Variants in ADAP1 observed in about 807,000 individuals in gnomAD.
ADAP1 encodes ArfGAP with dual PH domains 1.
A neutral mutation model predicts 54.9 loss-of-function variants in ADAP1; 31 were observed. The ratio of observed to expected loss-of-function variants is 0.56; its 90% CI spans 0.42 to 0.76. The LOEUF is 0.76. ADAP1 is among the 30% of genes least tolerant of loss of function. The probability of loss-of-function intolerance (pLI) is 0.00; values close to 1 mark genes in which losing one functional copy is unlikely to be tolerated. For synonymous variants in ADAP1, 313 were observed against 202.6 expected, an observed-to-expected ratio of 1.55 and a Z score of -4.63; for missense variants, 535 against 512.4, an observed-to-expected ratio of 1.04 and a Z score of -0.42.
chr7:898,629 A>AG lies in ADAP1; in HGVS notation c.*291dup. The stretch of plus-strand genomic sequence containing the variant: ...GGGGCTGTGTCTGAGCTCGGGAGCC[A>AG]GACTGGGCCCTGGAGGAAAGGGGGC... On this transcript the variant is annotated 3_prime_UTR_variant, in exon 11 of 11. Transcript: ENST00000265846. 4.1e-6 allele frequency: 2 copies of AG among 491,108 alleles called. No individual in the cohort carries two copies. Among genetic ancestry groups the AG allele is most frequent in the Non-Finnish European group, 7.5e-6 (2 of 267,462 alleles). The allele number at this position is 491,108 out of a possible 1,614,324, so 30.4% of individuals were successfully genotyped here. A position where few individuals can be genotyped will look rare whatever the true frequency, so the allele number is the denominator to read the frequency against.
intron 4 of ADAP1, among the ~76,000 whole-genome samples, chr7:909,466 G>T (rs1845631423): frequency 6.6e-6 from 1 of 152,232 alleles, no homozygotes; most frequent in African/African-American, 2.4e-5. Context: ...CCGCATTCCA[G>T]GGGCAATGAC....
At chr7:954,267 G>A (rs1274546074) in intron 1 of ADAP1, 129 bp downstream of exon 1, 113 of 887,918 alleles carry the variant, frequency 1.3e-4, no homozygotes, top group Non-Finnish European at 1.4e-4. Flanking sequence ...CCGGCCCGGT[G>A]TTCAGCGCCG....
chr7:903,842 G>T (rs1175162894), intron 6 of ADAP1: 6 of 358,070 alleles, frequency 1.7e-5, no homozygotes, highest in African/African-American at 1.3e-4. Flanking sequence ...GCCAAGCTGG[G>T]TGGCCCCAGA....
chr7:907,195 G>C (rs920328460), intron 4 of ADAP1, among the ~76,000 whole-genome samples: 2 of 152,184 alleles, frequency 1.3e-5, no homozygotes, highest in African/African-American at 4.8e-5. Flanking sequence ...CCACAGAAAA[G>C]TAGCCCGGGC....
chr7:898,911 G>T lies in ADAP1; in HGVS notation c.*10C>A. 1.3e-6 allele frequency: 2 copies of T among 1,598,342 alleles called. No individual in the cohort carries two copies. The highest frequency in any genetic ancestry group is 1.7e-5 in the Admixed American group (1 of 58,026). ...TGAGTCCAATGTCCGTGGTCCTCCA[G>T]CCGCACTCGCTAAGGTTTATGCTTG... On this transcript the variant is annotated 3_prime_UTR_variant, in exon 11 of 11. Transcript: ENST00000265846.
At position 935,381 on chromosome 7, in the gene ADAP1, T is replaced by C; in HGVS notation, c.207A>G (p.Gln69=). The C allele has an allele frequency of 1.3e-6, 2 of 1,529,642 alleles. No individual in the cohort carries two copies. Among genetic ancestry groups the C allele is most frequent in the Non-Finnish European group, 8.8e-7 (1 of 1,131,318 alleles). 94.8% of individuals were successfully genotyped at this position (1,529,642 alleles called of 1,614,324 possible). The change falls in exon 2 of 11, where the codon CAA becomes CAG. Residue 69 remains glutamine, a synonymous_variant. Transcript: ENST00000265846. The stretch of plus-strand genomic sequence containing the variant: ...CGCCCCTCCCCCTCCGTACCTCCAC[T>C]TGGGCCTCCTCCCAGGCGTCCAGGC... ...SVRLDAWEEA[Q]VEFMASHGND...
intron 6 of ADAP1, chr7:900,989 G>C (rs1562906318): frequency 3.2e-5 from 16 of 502,076 alleles, no homozygotes; most frequent in Non-Finnish European, 5.2e-5. Context: ...CTTTCAGATG[G>C]TGCTATTTTT....
At chr7:903,307 G>C (rs1244968659) in intron 6 of ADAP1, among the ~76,000 whole-genome samples, 4 of 151,878 alleles carry the variant, frequency 2.6e-5, no homozygotes, top group African/African-American at 4.9e-5. Flanking sequence ...GGGCACGTGG[G>C]AGGGGATGGA....
At chr7:935,346 C>T (rs1200569936) in intron 2 of ADAP1, 29 bp downstream of exon 2, 3 of 1,547,494 alleles carry the variant, frequency 1.9e-6, no homozygotes, top group Non-Finnish European at 2.6e-6. Flanking sequence ...GGGGACTGCG[C>T]GGGTCCCCCC....
Position 899,183 on chromosome 7 carries a change from T to C in ADAP1, c.946A>G (p.Thr316Ala), listed in dbSNP as rs777054566. The C allele has an allele frequency of 1.2e-6, 2 of 1,612,318 alleles. No homozygotes were observed. The highest frequency in any genetic ancestry group is 2.2e-5 in the South Asian group (2 of 91,090). Reference sequence around the variant, plus strand: ...CCATGTGGCCAGTGGTGGCCCTGGGTGGACGGCGGGAACCCATGCAGCACC... The same window carrying C: ...CCATGTGGCCAGTGGTGGCCCTGGGCGGACGGCGGGAACCCATGCAGCACC... ...YTVLHGFPPS[T>A]QGHHWPHGIT... The change falls in exon 10 of 11, where the codon ACC (threonine) becomes GCC (alanine). Residue 316 changes from threonine (T) to alanine (A), a missense_variant. Thr to Ala is a moderately conservative substitution (Grantham distance 58). Transcript: ENST00000265846.
At chr7:936,395 G>GT (rs2128109089) in intron 1 of ADAP1, among the ~76,000 whole-genome samples, 1 of 152,322 alleles carries the variant, frequency 6.6e-6, no homozygotes, top group African/African-American at 2.4e-5. Context: ...GTTTCATCAT[G>GT]TTGGCCAGGC....
chr7:955,381 C>T, upstream of ADAP1: 1 of 1,550,236 alleles, frequency 6.5e-7, no homozygotes, highest in Non-Finnish European at 8.7e-7. Context: ...TAATGCAGTA[C>T]ACCCGGCTGA....
Position 898,610 on chromosome 7 carries a change from G to T in ADAP1, c.*311C>A. 1 of 461,478 alleles carries T rather than the reference G, an allele frequency of 2.2e-6. No individual in the cohort carries two copies. 28.6% of individuals were successfully genotyped at this position (461,478 alleles called of 1,614,324 possible). A position where few individuals can be genotyped will look rare whatever the true frequency, so the allele number is the denominator to read the frequency against. On this transcript the variant is annotated 3_prime_UTR_variant, in exon 11 of 11. Coordinates refer to ENST00000265846, the MANE Select transcript of ADAP1 (RefSeq NM_006869.4). ...CCGTGGTGGGCGGCTCCTGGGGGCT[G>T]TGTCTGAGCTCGGGAGCCAGACTGG...
At position 900,884 on chromosome 7, in the gene ADAP1, G is replaced by GGGCCA. The variant is rs1320502986; in HGVS notation, c.649-269_649-268insTGGCC. On this transcript the variant is annotated intron_variant, in intron 6 of 10. Transcript: ENST00000265846. ...TCCTGAGAAGGGCCGAAGGGCCGAA[G>GGGCCA]GGCCGGGCCGGGCCGGGCTGGACAG... 2.5e-5 allele frequency: 13 copies of GGGCCA among 512,264 alleles called. No individual in the cohort carries two copies. The East Asian group carries it at 4.7e-4, about 18-fold the overall frequency. 31.7% of individuals were successfully genotyped at this position (512,264 alleles called of 1,614,324 possible). A position where few individuals can be genotyped will look rare whatever the true frequency, so the allele number is the denominator to read the frequency against.
chr7:905,431 AGGAGAAAGGGAGAAAG>A (rs1304381755), intron 4 of ADAP1: 16 of 137,374 alleles, frequency 1.2e-4, no homozygotes, highest in African/African-American at 2.3e-4. Flanking sequence ...GAAAGGAGAA[AGGAGAAAGGGAGAAAG>A]GGAGAAAGGG....
chr7:927,154 TCTGCAGGGACACA>T (rs1846419258), intron 2 of ADAP1: 11 of 1,303,382 alleles, frequency 8.4e-6, no homozygotes, highest in Non-Finnish European at 1.1e-5. Context: ...CTGAGGGGAC[TCTGCAGGGACACA>T]CTGCAGGGAC....
intron 1 of ADAP1, among the ~76,000 whole-genome samples, chr7:950,369 C>T (rs989760358): frequency 1.3e-5 from 2 of 152,050 alleles, no homozygotes; most frequent in East Asian, 1.9e-4. Flanking sequence ...ACCTGTAGTC[C>T]CAGCTACTCG....
chr7:921,773 C>A (rs540533160), intron 3 of ADAP1, among the ~76,000 whole-genome samples: 1 of 152,214 alleles, frequency 6.6e-6, no homozygotes, highest in African/African-American at 2.4e-5. Context: ...GGTCACACAG[C>A]GGCCTCTCAG....
intron 4 of ADAP1, 154 bp from the exon 5 acceptor site, chr7:905,326 AT>A: frequency 3.9e-6 from 2 of 510,542 alleles, no homozygotes; most frequent in Non-Finnish European, 7.3e-6. Context: ...GAGAGGGGAC[AT>A]GGAGGAGACA....
Sources: allele counts gnomAD v4.1 joint callset (sites outside exome capture counted in the v4.1 genomes callset), GRCh38; gene constraint gnomAD v4.1.1; transcripts MANE v1.5; gene names NCBI Gene and HGNC (gene_info 2026-07-23, HGNC 2026-07-21).